DPP6: variants seen among roughly 807,000 people sequenced by gnomAD.
DPP6 encodes dipeptidyl peptidase like 6, also known as A-type potassium channel modulatory protein DPP6.
Under a neutral mutation model 122.6 loss-of-function variants are expected in DPP6, and 69 were observed. The observed-to-expected ratio is 0.56, with a 90% confidence interval of 0.46 to 0.69. The LOEUF (loss-of-function observed/expected upper bound fraction) is 0.69. Ranked by LOEUF, DPP6 falls within the 30% of genes least tolerant of loss-of-function variation. The pLI is 0.00. For missense variants in DPP6, 928 were observed against 1,116.9 expected (o/e 0.83, Z 2.41); for synonymous variants, 418 against 433.1 (o/e 0.97, Z 0.43).
chr7:154,785,274 C>T (rs1797272194), intron 10 of DPP6, among the ~76,000 whole-genome samples: 1 of 152,128 alleles, frequency 6.6e-6, no homozygotes, highest in Non-Finnish European at 1.5e-5. Flanking sequence ...CCATCTCACC[C>T]CCAGATGGAG....
chr7:153,843,076 G>A, the DPP6 span, among the ~76,000 whole-genome samples: 3 of 145,434 alleles, frequency 2.1e-5, no homozygotes, highest in Admixed American at 1.3e-4. Context: ...GCATACACAC[G>A]TGCGCACACA....
chr7:154,658,899 G>T (rs1263975153), intron 6 of DPP6, among the ~76,000 whole-genome samples: 1 of 152,244 alleles, frequency 6.6e-6, no homozygotes, highest in Non-Finnish European at 1.5e-5. Context: ...TCAAGGTGTT[G>T]ATGTGGAGGA....
In DPP6 at chr7:154,877,729, T is replaced by C. The variant is rs972703717; in HGVS notation, c.2078+1629T>C. Among the ~76,000 whole-genome samples, 1 of 152,088 alleles carries C rather than the reference T, an allele frequency of 6.6e-6. No individual in the cohort carries two copies. The highest frequency in any genetic ancestry group is 1.5e-5 in the Non-Finnish European group (1 of 68,010). ...AGCAGACAGCAAACCTCTCCTTCCA[T>C]CTCCCTGGCCCTCCCCTGCCCATTC... On this transcript the variant is annotated intron_variant, in intron 20 of 25. Transcript: ENST00000377770. This position sits in a 1 kb window ranked among gnomAD's most constrained non-coding sequence, Gnocchi z 5.2.
intron 1 of DPP6, among the ~76,000 whole-genome samples, chr7:154,294,809 T>C (rs1805429519): frequency 6.6e-6 from 1 of 152,172 alleles, no homozygotes. Context: ...AACATCTGCA[T>C]CACCCACCCT....
chr7:154,457,226 C>T (rs1420064029), intron 2 of DPP6, among the ~76,000 whole-genome samples: 1 of 62,472 alleles, frequency 1.6e-5, no homozygotes, highest in Non-Finnish European at 3.2e-5. Flanking sequence ...AAGAAATGCT[C>T]ATCATCACTG....
intron 1 of DPP6, among the ~76,000 whole-genome samples, chr7:154,107,698 A>G (rs113158567): frequency 0.029 from 4,488 of 152,298 alleles, 228 homozygotes; most frequent in African/African-American, 0.1. Context: ...TGTAATTATT[A>G]TTTGTCAGTT....
intron 1 of DPP6, among the ~76,000 whole-genome samples, chr7:154,170,222 C>G (rs1797466162): frequency 6.6e-6 from 1 of 152,188 alleles, no homozygotes; most frequent in South Asian, 2.1e-4. Context: ...CCAGCTCCAT[C>G]CAGGGCTGTT....
At chr7:153,938,846 G>A (rs761474317) in intron 1 of DPP6, among the ~76,000 whole-genome samples, 3 of 152,330 alleles carry the variant, frequency 2.0e-5, no homozygotes, top group Non-Finnish European at 2.9e-5. Flanking sequence ...CAGAGTGCAC[G>A]GAATGGCCGG....
At chr7:154,103,257 C>T (rs947961173) in intron 1 of DPP6, among the ~76,000 whole-genome samples, 4 of 152,136 alleles carry the variant, frequency 2.6e-5, no homozygotes, top group Non-Finnish European at 5.9e-5. Flanking sequence ...ACCATCTGCT[C>T]ATTGCAGGAA....
chr7:153,925,391 A>G (rs1177680501), intron 1 of DPP6, among the ~76,000 whole-genome samples: 1 of 151,406 alleles, frequency 6.6e-6, no homozygotes, highest in Non-Finnish European at 1.5e-5. Context: ...ATCATCCCGC[A>G]TCGTGGAGGG....
chr7:153,788,975 A>AC, the DPP6 span, among the ~76,000 whole-genome samples: 4 of 152,220 alleles, frequency 2.6e-5, no homozygotes, highest in East Asian at 7.7e-4. Flanking sequence ...CAAAAAAAAA[A>AC]AAAAAAGTAT....
In DPP6 at chr7:154,102,463, A is replaced by G. The variant is rs1805815526; in HGVS notation, c.243+49400A>G. On this transcript the variant is annotated intron_variant, in intron 1 of 25. Coordinates refer to ENST00000377770, the MANE Select transcript of DPP6 (RefSeq NM_130797.4). Reference sequence around the variant, plus strand: ...CTCAGCCTCCCAAAGTGCTGGGATTACAGGCATGAGCCACTGTGCCCAGCC... The same window carrying G: ...CTCAGCCTCCCAAAGTGCTGGGATTGCAGGCATGAGCCACTGTGCCCAGCC... Among the ~76,000 whole-genome samples, 5 of 152,286 alleles carry G rather than the reference A, an allele frequency of 3.3e-5. No individual in the cohort carries two copies. The South Asian group carries it at 1.0e-3, about 32-fold the overall frequency.
chr7:153,999,007 C>G (rs554023396), intron 1 of DPP6, among the ~76,000 whole-genome samples: 1 of 152,228 alleles, frequency 6.6e-6, no homozygotes, highest in Non-Finnish European at 1.5e-5. Context: ...AGTGACTTAA[C>G]GTGGCTGGCC....
chr7:154,510,492 G>A (rs911118297), intron 3 of DPP6, among the ~76,000 whole-genome samples: 3 of 152,106 alleles, frequency 2.0e-5, no homozygotes, highest in Admixed American at 6.5e-5. Context: ...GAGGTCAGGA[G>A]TTCAAGACCA....
At chr7:153,851,957 C>A in the DPP6 span, among the ~76,000 whole-genome samples, 1 of 152,126 alleles carries the variant, frequency 6.6e-6, no homozygotes, top group Non-Finnish European at 1.5e-5. Flanking sequence ...TTTTACTCTG[C>A]ATGATTTCTA....
chr7:154,692,026 G>C (rs745336465), intron 7 of DPP6, among the ~76,000 whole-genome samples: 44 of 152,006 alleles, frequency 2.9e-4, no homozygotes, highest in Non-Finnish European at 5.9e-4. Flanking sequence ...ACCCCTCTGA[G>C]CCTCAGTTTC....
chr7:153,763,658 G>A, the DPP6 span, among the ~76,000 whole-genome samples: 9 of 152,124 alleles, frequency 5.9e-5, no homozygotes, highest in Non-Finnish European at 1.2e-4. Context: ...AATCTTCTGG[G>A]TTTACTAATG....
chr7:153,871,505 G>A, the DPP6 span, among the ~76,000 whole-genome samples: 14 of 152,304 alleles, frequency 9.2e-5, 1 homozygote, highest in African/African-American at 3.4e-4. Context: ...TTGGAAAAGC[G>A]CAGTATTAGG....
chr7:154,136,338 CAAATGT>C (rs1337700837), intron 1 of DPP6, among the ~76,000 whole-genome samples: 1 of 152,058 alleles, frequency 6.6e-6, no homozygotes, highest in Admixed American at 6.6e-5. Flanking sequence ...CTGGTGTTCC[CAAATGT>C]TCCCTAACTG....
Sources: gnomAD v4.1 joint callset for allele counts (sites outside exome capture counted in the v4.1 genomes callset) on GRCh38, gnomAD v4.1.1 for gene constraint, Gnocchi (gnomAD v3.1) non-coding constraint, MANE v1.5 for transcripts, NCBI Gene and HGNC (gene_info 2026-07-23, HGNC 2026-07-21) for gene names.